ASAH2: variants seen among roughly 807,000 people sequenced by gnomAD.
The protein encoded by ASAH2 is N-acylsphingosine amidohydrolase 2.
Under a neutral mutation model 82.9 loss-of-function variants are expected in ASAH2, and 58 were observed. The ratio of observed to expected loss-of-function variants is 0.70; its 90% confidence interval spans 0.57 to 0.87. The LOEUF (loss-of-function observed/expected upper bound fraction) is 0.87, where lower values mean the gene tolerates loss of function less well. ASAH2 is among the 40% of genes least tolerant of loss of function. The pLI is 0.00. For missense variants in ASAH2, 779 were observed against 834.0 expected (o/e 0.93, Z 0.81); for synonymous variants, 276 against 289.7 (o/e 0.95, Z 0.48).
chr10:50,206,941 C>G (rs1472118575), intron 12 of ASAH2, among the ~76,000 whole-genome samples: 1 of 151,674 alleles, frequency 6.6e-6, no homozygotes, highest in African/African-American at 2.4e-5. Context: ...GGCTAAAAGA[C>G]AAATCTCATT....
At chr10:50,207,812 T>C (rs972444848) in intron 12 of ASAH2, among the ~76,000 whole-genome samples, 47 of 151,982 alleles carry the variant, frequency 3.1e-4, no homozygotes, top group African/African-American at 1.1e-3. Context: ...ATTCATTCTA[T>C]GAGGCCAATA....
At chr10:50,216,276 G>A (rs1845598894) in intron 8 of ASAH2, among the ~76,000 whole-genome samples, 1 of 150,594 alleles carries the variant, frequency 6.6e-6, no homozygotes, top group Non-Finnish European at 1.5e-5. Context: ...TGCATGTTCT[G>A]CACATGTATC....
chr10:50,193,772 T>C (rs1161657832), intron 18 of ASAH2, among the ~76,000 whole-genome samples: 25 of 151,902 alleles, frequency 1.6e-4, no homozygotes, highest in African/African-American at 6.0e-4. Context: ...GGACACAAAT[T>C]ACCAAAATTA....
At chr10:50,193,874 A>G (rs1844906637) in intron 18 of ASAH2, among the ~76,000 whole-genome samples, 73 of 151,524 alleles carry the variant, frequency 4.8e-4, no homozygotes, top group Non-Finnish European at 8.9e-5. Flanking sequence ...ATATTACACC[A>G]ACAAATTAAA....
In ASAH2 at chr10:50,245,308, C is replaced by T. The variant is rs749876809; in HGVS notation, c.274G>A (p.Glu92Lys). The change falls in exon 3 of 21, where the codon GAG (glutamate) becomes AAG (lysine). Residue 92 changes from glutamate (E) to lysine (K), a missense_variant. Physicochemically the swap from Glu to Lys is moderately conservative, Grantham distance 56. Transcript: ENST00000682911. ...TQTSPVPLTP[E>K]SPLFQNFSGY... ...CTGAAGTTCTGAAATAGAGGAGACT[C>T]TGGGGTTAAAGGCACTGGAGAAGTT... is the stretch of plus-strand genomic sequence containing the variant. 3 of 1,613,918 alleles carry T rather than the reference C, an allele frequency of 1.9e-6. No homozygotes were observed. The highest frequency in any genetic ancestry group is 2.7e-5 in the African/African-American group (2 of 74,842).
At chr10:50,244,356 T>C (rs1314994257) in intron 3 of ASAH2, among the ~76,000 whole-genome samples, 1 of 146,350 alleles carries the variant, frequency 6.8e-6, no homozygotes, top group African/African-American at 2.8e-5. Context: ...TGTCATAAAA[T>C]TTACCCATAA....
intron 4 of ASAH2, among the ~76,000 whole-genome samples, chr10:50,238,519 A>G (rs1023045006): frequency 2.6e-5 from 4 of 152,038 alleles, no homozygotes; most frequent in African/African-American, 9.7e-5. Context: ...CCACTCTCGC[A>G]TATTATTCCA....
rs1286381211 is a variant in ASAH2, at chr10:50,199,530, T to A, written c.1762-384A>T. Among the ~76,000 whole-genome samples the A allele has an allele frequency of 5.3e-5, 8 of 151,314 alleles. No homozygotes were observed. In the East Asian group the frequency reaches 1.6e-3, roughly 29 times the overall value. On this transcript the variant is annotated intron_variant, in intron 16 of 20. Transcript: ENST00000682911. ...GTCCTAGTAACTTCTGGATAAATAG[T>A]TAGAAGGTGCTAACTGGAGAAAGAC...
chr10:50,224,556 A>G (rs1411314227), intron 7 of ASAH2, among the ~76,000 whole-genome samples: 1 of 152,136 alleles, frequency 6.6e-6, no homozygotes, highest in East Asian at 1.9e-4. Context: ...CAAAATGCCC[A>G]TGTGCTCTTC....
intron 8 of ASAH2, among the ~76,000 whole-genome samples, chr10:50,216,058 A>G (rs1589335628): frequency 6.6e-6 from 1 of 151,852 alleles, no homozygotes; most frequent in African/African-American, 2.4e-5. Flanking sequence ...AACTAACACA[A>G]GAACAGAAAA....
chr10:50,240,205 T>C (rs986675663), intron 4 of ASAH2, among the ~76,000 whole-genome samples: 2 of 152,194 alleles, frequency 1.3e-5, no homozygotes, highest in African/African-American at 4.8e-5. Context: ...TGTGCCAGTC[T>C]CACGTGATAA....
At chr10:50,220,072 T>C (rs1289412636) in intron 7 of ASAH2, among the ~76,000 whole-genome samples, 1 of 152,212 alleles carries the variant, frequency 6.6e-6, no homozygotes, top group African/African-American at 2.4e-5. Context: ...GACTTAAAAC[T>C]TGTAGCCAAC....
At chr10:50,229,181 G>A (rs1845967252) in intron 7 of ASAH2, among the ~76,000 whole-genome samples, 1 of 151,946 alleles carries the variant, frequency 6.6e-6, no homozygotes, top group African/African-American at 2.4e-5. Flanking sequence ...GACTCTCAAG[G>A]TTCTGTTTAT....
chr10:50,225,162 C>A (rs1271432355), intron 7 of ASAH2, among the ~76,000 whole-genome samples: 1 of 152,168 alleles, frequency 6.6e-6, no homozygotes, highest in Non-Finnish European at 1.5e-5. Context: ...CAGTCAAAAT[C>A]CTTGCACCAT....
intron 16 of ASAH2, among the ~76,000 whole-genome samples, chr10:50,200,112 C>G (rs1471543866): frequency 6.6e-6 from 1 of 151,820 alleles, no homozygotes; most frequent in Non-Finnish European, 1.5e-5. Flanking sequence ...TCATGTCTTG[C>G]CCAGATCTTA....
intron 7 of ASAH2, among the ~76,000 whole-genome samples, chr10:50,228,508 A>AGATG (rs1845945852): frequency 6.6e-6 from 1 of 152,218 alleles, no homozygotes; most frequent in South Asian, 2.1e-4. Context: ...TCATAGTCAT[A>AGATG]GATGATAGAG....
At chr10:50,227,293 CATTATTAGATAAGAAGAGGAT>C (rs1845909895) in intron 7 of ASAH2, among the ~76,000 whole-genome samples, 1 of 151,912 alleles carries the variant, frequency 6.6e-6, no homozygotes, top group Non-Finnish European at 1.5e-5. Flanking sequence ...AAAAAAAACA[CATTATTAGATAAGAAGAGGAT>C]CACTGCAAAA....
At chr10:50,242,027 A>G (rs1846311372) in intron 4 of ASAH2, among the ~76,000 whole-genome samples, 1 of 152,118 alleles carries the variant, frequency 6.6e-6, no homozygotes, top group Non-Finnish European at 1.5e-5. Flanking sequence ...CCAGAACTTA[A>G]AGTATAATAA....
intron 7 of ASAH2, among the ~76,000 whole-genome samples, chr10:50,221,713 TAGA>T (rs1272136946): frequency 7.8e-4 from 118 of 151,132 alleles, no homozygotes; most frequent in African/African-American, 2.6e-3. Context: ...GATAGATAGA[TAGA>T]TAGATAGATA....
Sources: allele counts gnomAD v4.1 joint callset (sites outside exome capture counted in the v4.1 genomes callset), GRCh38; gene constraint gnomAD v4.1.1; transcripts MANE v1.5; gene names NCBI Gene and HGNC (gene_info 2026-07-23, HGNC 2026-07-21).